The following NXPH1 variants were observed in gnomAD, a reference collection of about 807,000 sequenced individuals.
NXPH1 encodes the protein neurexophilin-1.
NXPH1 carries 5 observed loss-of-function variants against 23.7 expected under a neutral mutation model. The ratio of observed to expected loss-of-function variants is 0.21; its 90% CI spans 0.11 to 0.44. The LOEUF (loss-of-function observed/expected upper bound fraction) is 0.44, where lower values mean the gene tolerates loss of function less well. Among genes scored for constraint, NXPH1 ranks in the 20% least tolerant of loss-of-function variants. The probability of loss-of-function intolerance (pLI) is 0.99; values close to 1 mark genes in which losing one functional copy is unlikely to be tolerated. For missense variants in NXPH1, 324 were observed against 321.6 expected, an observed-to-expected ratio of 1.01 and a Z score of -0.06; for synonymous variants, 144 against 122.2, an observed-to-expected ratio of 1.18 and a Z score of -1.18.
intron 2 of NXPH1, among the ~76,000 whole-genome samples, chr7:8,625,234 T>A (rs1304755229): frequency 6.6e-6 from 1 of 152,170 alleles, no homozygotes; most frequent in Admixed American, 6.6e-5. Flanking sequence ...AAAATGTAAC[T>A]TGACTGAATA....
chr7:8,436,978 T>C lies in NXPH1; in HGVS notation c.54+1211T>C, dbSNP rs546886687. 2.0e-5 allele frequency among the ~76,000 whole-genome samples: 3 copies of C among 152,192 alleles called. No individual in the cohort carries two copies. The South Asian group carries it at 6.2e-4, about 31-fold the overall frequency. On this transcript the variant is annotated intron_variant, in intron 2 of 2. Coordinates refer to ENST00000405863, the MANE Select transcript of NXPH1 (RefSeq NM_152745.3). Reference sequence around the variant, plus strand: ...TATGTGAGTGACACGTATATATATGTGTGTGTGAATGTGTATTTAACCGAT... The same window carrying C: ...TATGTGAGTGACACGTATATATATGCGTGTGTGAATGTGTATTTAACCGAT...
chr7:8,518,717 C>T (rs1014105141), intron 2 of NXPH1, among the ~76,000 whole-genome samples: 2 of 152,034 alleles, frequency 1.3e-5, no homozygotes, highest in Non-Finnish European at 2.9e-5. Context: ...AACTCCTGGC[C>T]TCAAGCAATC....
At chr7:8,603,849 T>C (rs1262469813) in intron 2 of NXPH1, among the ~76,000 whole-genome samples, 2 of 152,186 alleles carry the variant, frequency 1.3e-5, no homozygotes, top group African/African-American at 4.8e-5. Context: ...AGGTATGTTT[T>C]ATTGCTTATT....
chr7:8,534,111 T>A (rs993760543), intron 2 of NXPH1, among the ~76,000 whole-genome samples: 2 of 152,054 alleles, frequency 1.3e-5, no homozygotes, highest in Non-Finnish European at 2.9e-5. Flanking sequence ...TCAATATGGG[T>A]GTTATTCTAT....
chr7:8,601,192 C>T (rs1819351184), intron 2 of NXPH1, among the ~76,000 whole-genome samples: 1 of 151,986 alleles, frequency 6.6e-6, no homozygotes, highest in Admixed American at 6.6e-5. Flanking sequence ...ACAATTTCTT[C>T]CTTCCTGAGC....
At chr7:8,441,224 G>A (rs1336953334) in intron 2 of NXPH1, among the ~76,000 whole-genome samples, 4 of 152,056 alleles carry the variant, frequency 2.6e-5, no homozygotes, top group East Asian at 3.9e-4. Flanking sequence ...TGGTGCAGCC[G>A]AGTCTCAAAG....
At chr7:8,530,240 CAA>C (rs1817929964) in intron 2 of NXPH1, among the ~76,000 whole-genome samples, 1 of 152,140 alleles carries the variant, frequency 6.6e-6, no homozygotes, top group African/African-American at 2.4e-5. Context: ...AAACTGCCCT[CAA>C]ATATGTGTGC....
chr7:8,708,792 G>A (rs1288175698), intron 2 of NXPH1, among the ~76,000 whole-genome samples: 1 of 152,062 alleles, frequency 6.6e-6, no homozygotes, highest in Non-Finnish European at 1.5e-5. Context: ...ACTTTTGATG[G>A]ATTGTTAGCA....
chr7:8,735,569 G>A (rs879086066), intron 2 of NXPH1, among the ~76,000 whole-genome samples: 1 of 152,158 alleles, frequency 6.6e-6, no homozygotes, highest in Admixed American at 6.5e-5. Context: ...TCACATTGAT[G>A]TTCATCAGGG....
intron 2 of NXPH1, among the ~76,000 whole-genome samples, chr7:8,687,759 G>A (rs1297782857): frequency 1.3e-5 from 2 of 152,142 alleles, no homozygotes; most frequent in African/African-American, 4.8e-5. Context: ...CTGGTACATG[G>A]TAATGTTCAA....
chr7:8,591,361 T>C (rs1432283054), intron 2 of NXPH1, among the ~76,000 whole-genome samples: 1 of 152,038 alleles, frequency 6.6e-6, no homozygotes, highest in Non-Finnish European at 1.5e-5. Flanking sequence ...ATTGTTTGAT[T>C]CTAGAGACCT....
intron 2 of NXPH1, among the ~76,000 whole-genome samples, chr7:8,522,922 T>G (rs1026673612): frequency 1.3e-5 from 2 of 152,216 alleles, no homozygotes; most frequent in Admixed American, 1.3e-4. Flanking sequence ...TCACAGAGCA[T>G]TGGCTATGGA....
intron 2 of NXPH1, among the ~76,000 whole-genome samples, chr7:8,480,251 T>A (rs1407251835): frequency 6.6e-6 from 1 of 152,190 alleles, no homozygotes; most frequent in East Asian, 1.9e-4. Flanking sequence ...GTTTTATTTA[T>A]AATTAAAAAT....
At chr7:8,661,881 A>G (rs902722041) in intron 2 of NXPH1, among the ~76,000 whole-genome samples, 7 of 152,244 alleles carry the variant, frequency 4.6e-5, no homozygotes, top group African/African-American at 1.7e-4. Context: ...ATAAAATTAT[A>G]CTATGAAAGA....
intron 2 of NXPH1, among the ~76,000 whole-genome samples, chr7:8,606,978 T>C (rs1450475684): frequency 6.6e-6 from 1 of 152,194 alleles, no homozygotes; most frequent in East Asian, 1.9e-4. Flanking sequence ...GTTTTGTGAA[T>C]ATAACCTATT....
chr7:8,694,885 T>TA (rs1821281076), intron 2 of NXPH1, among the ~76,000 whole-genome samples: 1 of 152,190 alleles, frequency 6.6e-6, no homozygotes. Context: ...AAATTAAGTT[T>TA]AAAATGAATA....
intron 2 of NXPH1, among the ~76,000 whole-genome samples, chr7:8,550,374 A>G (rs567533516): frequency 4.0e-5 from 6 of 151,726 alleles, no homozygotes; most frequent in East Asian, 2.0e-4. Context: ...AATGGATAAT[A>G]TATTTTAAAG....
intron 2 of NXPH1, among the ~76,000 whole-genome samples, chr7:8,655,158 G>T (rs1680596327): frequency 1.3e-5 from 2 of 152,120 alleles, no homozygotes; most frequent in Non-Finnish European, 2.9e-5. Context: ...GCCAAGGTAG[G>T]TGGATTGCTT....
intron 2 of NXPH1, among the ~76,000 whole-genome samples, chr7:8,510,668 C>T (rs1254091957): frequency 6.6e-6 from 1 of 152,056 alleles, no homozygotes; most frequent in East Asian, 1.9e-4. Context: ...TATACAAATA[C>T]ATAGTCATAT....
Sources: gnomAD v4.1 joint callset for allele counts (sites outside exome capture counted in the v4.1 genomes callset) on GRCh38, gnomAD v4.1.1 for gene constraint, MANE v1.5 for transcripts, NCBI Gene and HGNC (gene_info 2026-07-23, HGNC 2026-07-21) for gene names.